The following DCAF17 variants were observed in gnomAD, a reference collection of about 807,000 sequenced individuals.
The protein encoded by DCAF17 is DDB1 and CUL4 associated factor 17, also known as DDB1- and CUL4-associated factor 17.
In DCAF17, 48 loss-of-function variants were observed where a neutral mutation model predicts 66.0. The ratio of observed to expected loss-of-function variants is 0.73; its 90% CI spans 0.58 to 0.92. The LOEUF (loss-of-function observed/expected upper bound fraction) is 0.92, where lower values mean the gene tolerates loss of function less well. Ranked by LOEUF, DCAF17 falls within the 40% of genes least tolerant of loss-of-function variation. The probability of loss-of-function intolerance (pLI) is 0.00; values close to 1 mark genes in which losing one functional copy is unlikely to be tolerated. For missense variants in DCAF17, 562 were observed against 622.8 expected (o/e 0.90, Z 1.04); for synonymous variants, 206 against 214.6 (o/e 0.96, Z 0.35).
At position 171,482,255 on chromosome 2, in the gene DCAF17, ATAACTGGTAATAAG is replaced by A; in HGVS notation, c.*1142_*1155del. On this transcript the variant is annotated 3_prime_UTR_variant, in exon 14 of 14. Transcript: ENST00000375255. ...ATTTATCCGATGTAACCTCAAAAGA[ATAACTGGTAATAAG>A]GGAAGGAAACAGCAGCAACAATCAT... 4.4e-6 allele frequency: 2 copies of A among 454,024 alleles called. No homozygotes were observed. The highest frequency in any genetic ancestry group is 8.8e-6 in the Non-Finnish European group (2 of 226,738). The allele number at this position is 454,024 out of a possible 1,614,324, so 28.1% of individuals were successfully genotyped here. A position where few individuals can be genotyped will look rare whatever the true frequency, so the allele number is the denominator to read the frequency against.
chr2:171,437,603 A>G (rs1181686930), intron 2 of DCAF17, among the ~76,000 whole-genome samples: 1 of 152,198 alleles, frequency 6.6e-6, no homozygotes, highest in Non-Finnish European at 1.5e-5. Context: ...TCTTTAATAG[A>G]TACAGACTTA....
At chr2:171,473,770 G>A in intron 9 of DCAF17, 96 bp from the exon 10 acceptor site, 1 of 947,412 alleles carries the variant, frequency 1.1e-6, no homozygotes, top group East Asian at 2.6e-5. Context: ...TTTCTTCCGT[G>A]TACCTTTGAC....
At chr2:171,464,968 G>A (rs544137502) in intron 8 of DCAF17, among the ~76,000 whole-genome samples, 1 of 152,164 alleles carries the variant, frequency 6.6e-6, no homozygotes, top group South Asian at 2.1e-4. Context: ...GGCCAAGGCA[G>A]GTGGATCACT....
chr2:171,472,475 G>A (rs1319683041), intron 9 of DCAF17, among the ~76,000 whole-genome samples: 3 of 152,248 alleles, frequency 2.0e-5, no homozygotes, highest in East Asian at 1.9e-4. Context: ...CACTGCCCCC[G>A]GCCGATTAAC....
chr2:171,470,348 T>C (rs1454859438), intron 9 of DCAF17, among the ~76,000 whole-genome samples: 1 of 152,198 alleles, frequency 6.6e-6, no homozygotes, highest in African/African-American at 2.4e-5. Context: ...CAGTCACTGT[T>C]GGCTCCAGTG....
At chr2:171,438,499 TC>T (rs1302975942) in intron 2 of DCAF17, among the ~76,000 whole-genome samples, 1 of 152,218 alleles carries the variant, frequency 6.6e-6, no homozygotes, top group South Asian at 2.1e-4. Context: ...TGCATTTCTA[TC>T]CGTGTTTGCC....
At position 171,481,364 on chromosome 2, in the gene DCAF17, A is replaced by AC; in HGVS notation, c.*250_*251insC. ...GTTTTGCAGCTTTGAGCTAGGTGGT[A>AC]ATGCAAATATAAAATGCTGGGAACA... On this transcript the variant is annotated 3_prime_UTR_variant, in exon 14 of 14. Coordinates refer to ENST00000375255, the MANE Select transcript of DCAF17 (RefSeq NM_025000.4). 1 of 566,122 alleles carries AC rather than the reference A, an allele frequency of 1.8e-6. No individual in the cohort carries two copies. The highest frequency in any genetic ancestry group is 3.3e-6 in the Non-Finnish European group (1 of 300,778). 35.1% of individuals were successfully genotyped at this position (566,122 alleles called of 1,614,324 possible).
At position 171,457,993 on chromosome 2, in the gene DCAF17, C is replaced by T. The variant is rs1695356146; in HGVS notation, c.650C>T (p.Ala217Val). 1 of 1,614,074 alleles carries T rather than the reference C, an allele frequency of 6.2e-7. No individual in the cohort carries two copies. The change falls in exon 7 of 14, where the codon GCT becomes GTT. Residue 217 changes from alanine to valine, a missense_variant. Ala to Val is a moderately conservative substitution (Grantham distance 64). Around this residue, in one of 3 missense-constraint regions of DCAF17, gnomAD observed 348 missense variants for 355.9 expected, o/e 0.98. Coordinates refer to ENST00000375255, the MANE Select transcript of DCAF17 (RefSeq NM_025000.4). Reference sequence around the variant, plus strand: ...CAGATTTTTGGGAACGTTACAGATGCTACCTTGTCTCATGGAATACTGATT... The same window carrying T: ...CAGATTTTTGGGAACGTTACAGATGTTACCTTGTCTCATGGAATACTGATT... ...NKKIFGNVTD[A>V]TLSHGILIVM...
In DCAF17 at chr2:171,482,361, CA is replaced by C; in HGVS notation, c.*1248del. 1 of 453,080 alleles carries C rather than the reference CA, an allele frequency of 2.2e-6. No homozygotes were observed. The highest frequency in any genetic ancestry group is 1.6e-5 in the South Asian group (1 of 64,174). The allele number at this position is 453,080 out of a possible 1,614,324, so 28.1% of individuals were successfully genotyped here. ...TGGATGATTTATATTAAAATCTTTC[CA>C]TTTTTTTTTTCAGTTTTGGCTTGAT... On this transcript the variant is annotated 3_prime_UTR_variant, in exon 14 of 14. Transcript: ENST00000375255.
intron 8 of DCAF17, among the ~76,000 whole-genome samples, chr2:171,467,043 AT>A (rs1329618342): frequency 3.3e-5 from 5 of 152,264 alleles, no homozygotes; most frequent in Admixed American, 6.5e-5. Flanking sequence ...GATTAAAAAA[AT>A]AAGCACTTGA....
intron 4 of DCAF17, among the ~76,000 whole-genome samples, chr2:171,449,417 C>T (rs2105752351): frequency 6.6e-6 from 1 of 152,218 alleles, no homozygotes; most frequent in Admixed American, 6.5e-5. Flanking sequence ...GTAAGATGCT[C>T]TTTATGGTAG....
chr2:171,476,669 A>C (rs1696510561), intron 10 of DCAF17, among the ~76,000 whole-genome samples, 191 bp from the exon 11 acceptor site: 1 of 152,218 alleles, frequency 6.6e-6, no homozygotes, highest in African/African-American at 2.4e-5. Context: ...TTTTCTGTTT[A>C]ACAGAATCTC....
At chr2:171,445,893 G>A (rs2105743163) in intron 3 of DCAF17, among the ~76,000 whole-genome samples, 1 of 151,990 alleles carries the variant, frequency 6.6e-6, no homozygotes, top group East Asian at 1.9e-4. Flanking sequence ...ATGTTGCCTA[G>A]GCTAGTCTTG....
At chr2:171,478,423 T>C (rs1408496041) in intron 12 of DCAF17, among the ~76,000 whole-genome samples, 2 of 152,234 alleles carry the variant, frequency 1.3e-5, no homozygotes, top group African/African-American at 4.8e-5. Flanking sequence ...CTGAGGACTT[T>C]ATGGTTTTTG....
intron 5 of DCAF17, among the ~76,000 whole-genome samples, chr2:171,450,815 A>G (rs1220916243): frequency 6.6e-6 from 1 of 152,142 alleles, no homozygotes; most frequent in Non-Finnish European, 1.5e-5. Flanking sequence ...TTTGATCTTC[A>G]GCACACTCCT....
Position 171,482,331 on chromosome 2 carries a change from T to C in DCAF17, c.*1217T>C, listed in dbSNP as rs1444280145. 6.6e-6 allele frequency: 3 copies of C among 453,854 alleles called. No homozygotes were observed. In the East Asian group the frequency reaches 2.1e-4, roughly 32 times the overall value. The allele number at this position is 453,854 out of a possible 1,614,324, so 28.1% of individuals were successfully genotyped here. ...GTTTAAGGTTAAAATATGGAATTTT[T>C]AGCTTGGATGATTTATATTAAAATC... On this transcript the variant is annotated 3_prime_UTR_variant, in exon 14 of 14. Transcript: ENST00000375255.
chr2:171,436,924 G>A (rs1260007160), intron 2 of DCAF17, among the ~76,000 whole-genome samples: 1 of 151,852 alleles, frequency 6.6e-6, no homozygotes, highest in African/African-American at 2.4e-5. Context: ...ACAGGCATGC[G>A]CCACCACGCC....
chr2:171,444,154 T>C (rs1694480578), intron 3 of DCAF17, among the ~76,000 whole-genome samples: 1 of 152,168 alleles, frequency 6.6e-6, no homozygotes, highest in Non-Finnish European at 1.5e-5. Context: ...GTTTGGGACA[T>C]TCTGAGTTTA....
chr2:171,458,250 C>T (rs1387902589), intron 7 of DCAF17, 122 bp from the exon 8 acceptor site: 1 of 1,062,452 alleles, frequency 9.4e-7, no homozygotes, highest in African/African-American at 1.6e-5. Flanking sequence ...GGAAGATAAA[C>T]AGAAAGGCCA....
Sources: allele counts gnomAD v4.1 joint callset (sites outside exome capture counted in the v4.1 genomes callset), GRCh38; gene constraint gnomAD v4.1.1; regional missense constraint gnomAD v4.1.1; transcripts MANE v1.5; gene names NCBI Gene and HGNC (gene_info 2026-07-23, HGNC 2026-07-21).